CDH4: variants seen among roughly 807,000 people sequenced by gnomAD.
The protein encoded by CDH4 is cadherin-4.
A neutral mutation model predicts 86.0 loss-of-function variants in CDH4; 33 were observed. The observed-to-expected ratio is 0.38, with a 90% confidence interval of 0.29 to 0.51. The LOEUF (loss-of-function observed/expected upper bound fraction) is 0.51, where lower values mean the gene tolerates loss of function less well. Ranked by LOEUF, CDH4 falls within the 20% of genes least tolerant of loss-of-function variation. CDH4 has a pLI of 0.86. For synonymous variants in CDH4, 555 were observed against 549.4 expected (o/e 1.01, Z -0.14); for missense variants, 1,114 against 1,307.4 (o/e 0.85, Z 2.28).
intron 3 of CDH4, among the ~76,000 whole-genome samples, chr20:61,745,418 T>A (rs1724137902): frequency 6.6e-6 from 1 of 152,086 alleles, no homozygotes; most frequent in African/African-American, 2.4e-5. Flanking sequence ...GCGGAGGTGG[T>A]TTAGGTTAGA....
intron 14 of CDH4, 119 bp downstream of exon 14, chr20:61,933,243 A>G: frequency 7.5e-7 from 1 of 1,327,432 alleles, no homozygotes; most frequent in Non-Finnish European, 1.0e-6. Context: ...TCACCAGTGA[A>G]GGTGCCAGGC....
intron 4 of CDH4, among the ~76,000 whole-genome samples, chr20:61,783,721 C>G (rs79422880): frequency 0.31 from 18,721 of 60,776 alleles, 4,905 homozygotes; most frequent in East Asian, 0.64. Context: ...GACAGTTCTC[C>G]GGGCCCTCAG....
intron 8 of CDH4, among the ~76,000 whole-genome samples, chr20:61,909,484 G>A (rs550786410): frequency 6.6e-6 from 1 of 152,304 alleles, no homozygotes; most frequent in East Asian, 1.9e-4. Context: ...GAAACAACAG[G>A]AATTTATTCT....
At chr20:61,721,643 A>G (rs2088043165) in intron 2 of CDH4, among the ~76,000 whole-genome samples, 1 of 152,182 alleles carries the variant, frequency 6.6e-6, no homozygotes, top group Non-Finnish European at 1.5e-5. Context: ...TCATTTGCAT[A>G]ATGCACCATG....
chr20:61,830,619 A>T (rs988986244), intron 4 of CDH4, among the ~76,000 whole-genome samples: 1 of 152,220 alleles, frequency 6.6e-6, no homozygotes, highest in African/African-American at 2.4e-5. Context: ...CCACCTCAAC[A>T]GACGCCCTAG....
chr20:61,588,768 G>A (rs2086496950), intron 2 of CDH4, among the ~76,000 whole-genome samples: 1 of 152,136 alleles, frequency 6.6e-6, no homozygotes, highest in Non-Finnish European at 1.5e-5. Flanking sequence ...ATTCCGTTCT[G>A]TCTTTCCCGA....
At chr20:61,803,191 G>A (rs938613693) in intron 4 of CDH4, among the ~76,000 whole-genome samples, 10 of 139,352 alleles carry the variant, frequency 7.2e-5, no homozygotes, top group African/African-American at 2.2e-4. Flanking sequence ...GGCTGTGGAC[G>A]GGCTGAGGTC....
At chr20:61,316,594 G>A (rs894034339) in intron 2 of CDH4, among the ~76,000 whole-genome samples, 2 of 152,200 alleles carry the variant, frequency 1.3e-5, no homozygotes, top group African/African-American at 2.4e-5. Context: ...AAGGGAAAGT[G>A]GTTGCTTTTC....
intron 2 of CDH4, among the ~76,000 whole-genome samples, chr20:61,542,144 A>G (rs529980637): frequency 7.9e-5 from 12 of 152,190 alleles, no homozygotes; most frequent in Middle Eastern, 3.4e-3. Flanking sequence ...CTAAAAATCA[A>G]CTCATACTGG....
At position 61,811,045 on chromosome 20, in the gene CDH4, G is replaced by A. The variant is rs573672123; in HGVS notation, c.577-33623G>A. Among the ~76,000 whole-genome samples, 31 of 152,324 alleles carry A rather than the reference G, an allele frequency of 2.0e-4. No individual in the cohort carries two copies. The highest frequency in any genetic ancestry group is 3.1e-4 in the African/African-American group (13 of 41,574). ...TCATCCCCTGCAAAACTAATGGCGC[G>A]GTGCTGACTGCCGCATCCTCAGCAG... On this transcript the variant is annotated intron_variant, in intron 4 of 15. Coordinates refer to ENST00000614565, the MANE Select transcript of CDH4 (RefSeq NM_001794.5). The surrounding 1 kb of genome is among the most constrained non-coding windows in gnomAD (Gnocchi z 4.4).
intron 2 of CDH4, among the ~76,000 whole-genome samples, chr20:61,262,057 G>A (rs572323244): frequency 6.6e-6 from 1 of 152,362 alleles, no homozygotes; most frequent in Middle Eastern, 3.4e-3. Context: ...GGTCCTGGAA[G>A]CCCTGAGCAC....
intron 6 of CDH4, among the ~76,000 whole-genome samples, chr20:61,859,398 G>A (rs1983216239): frequency 6.6e-6 from 1 of 152,148 alleles, no homozygotes; most frequent in Non-Finnish European, 1.5e-5. Context: ...GTTTAATTTG[G>A]AGGAAGTCCA....
intron 7 of CDH4, among the ~76,000 whole-genome samples, chr20:61,874,768 CAG>C (rs1983947454): frequency 6.6e-6 from 1 of 152,224 alleles, no homozygotes; most frequent in African/African-American, 2.4e-5. Context: ...ACTGTGCCCA[CAG>C]AGGCCAGTGT....
At position 61,938,852 on chromosome 20, in the gene CDH4, T is replaced by TG. The variant is rs1389329212; in HGVS notation, c.*1913dup. On this transcript the variant is annotated 3_prime_UTR_variant, in exon 16 of 16. Transcript: ENST00000614565. ...CCCTGTGCAGCCTTCAGAGTTGAGCTGGGGTCTCAGTCTCCAACCTGTCCT... is the reference window on the plus strand; with the variant it reads ...CCCTGTGCAGCCTTCAGAGTTGAGCTGGGGGTCTCAGTCTCCAACCTGTCCT... 3.3e-5 allele frequency: 5 copies of TG among 152,330 alleles called. No homozygotes were observed. Among genetic ancestry groups the TG allele is most frequent in the Middle Eastern group, 3.2e-3 (1 of 316 alleles). The allele number at this position is 152,330 out of a possible 1,614,324, so 9.4% of individuals were successfully genotyped here.
chr20:61,924,022 C>A (rs909824812), intron 10 of CDH4, among the ~76,000 whole-genome samples: 3 of 152,226 alleles, frequency 2.0e-5, no homozygotes, highest in Admixed American at 2.0e-4. Context: ...TGCTCCTCAG[C>A]GTCCTTGTCC....
intron 2 of CDH4, among the ~76,000 whole-genome samples, chr20:61,697,775 C>T (rs1269519298): frequency 6.6e-6 from 1 of 152,182 alleles, no homozygotes; most frequent in Non-Finnish European, 1.5e-5. Flanking sequence ...ATCTCCGGAT[C>T]CCCCAGGGCT....
At chr20:61,314,592 G>T (rs2084466233) in intron 2 of CDH4, among the ~76,000 whole-genome samples, 2 of 152,124 alleles carry the variant, frequency 1.3e-5, no homozygotes, top group South Asian at 4.1e-4. Context: ...GGGACTGCAG[G>T]GATCTTTTTG....
chr20:61,477,332 T>TGG (rs1324392452), intron 2 of CDH4, among the ~76,000 whole-genome samples: 1 of 129,378 alleles, frequency 7.7e-6, no homozygotes, highest in African/African-American at 2.5e-5. Flanking sequence ...CCGGGCCCCA[T>TGG]GGGGTTAGGC....
intron 2 of CDH4, among the ~76,000 whole-genome samples, chr20:61,685,888 G>T (rs528865541): frequency 1.3e-5 from 2 of 152,356 alleles, no homozygotes; most frequent in South Asian, 4.1e-4. Context: ...TCCCCACTGG[G>T]TGGTACCCGC....
Sources: allele counts gnomAD v4.1 joint callset (sites outside exome capture counted in the v4.1 genomes callset), GRCh38; gene constraint gnomAD v4.1.1; non-coding constraint Gnocchi (gnomAD v3.1); transcripts MANE v1.5; gene names NCBI Gene and HGNC (gene_info 2026-07-23, HGNC 2026-07-21).